Variants in COG5 observed in about 807,000 individuals in gnomAD.
COG5 encodes the protein component of oligomeric golgi complex 5.
In COG5, 86 loss-of-function variants were observed where a neutral mutation model predicts 110.4. The observed-to-expected ratio is 0.78, with a 90% CI of 0.65 to 0.93. COG5 has a LOEUF of 0.93. COG5 is among the 40% of genes least tolerant of loss of function. COG5 has a pLI of 0.00. For missense variants in COG5, 1,077 were observed against 987.0 expected (o/e 1.09, Z -1.22); for synonymous variants, 360 against 334.6 (o/e 1.08, Z -0.83).
At chr7:107,289,425 C>T (rs1805972444) in intron 12 of COG5, among the ~76,000 whole-genome samples, 1 of 151,656 alleles carries the variant, frequency 6.6e-6, no homozygotes. Context: ...ACTTGTGAGC[C>T]CTCCTACACT....
rs578254241 is a variant in COG5 at position 107,274,934 on chromosome 7, G to A, written c.1575+6366C>T. Among the ~76,000 whole-genome samples the A allele has an allele frequency of 1.2e-3, 179 of 151,750 alleles. 2 individuals are homozygous for A. The highest frequency in any genetic ancestry group is 4.2e-3 in the African/African-American group (176 of 41,488). ...GAAAATCAAGCTCTTACAAGTCTGAGAAGCAAGTCAGAAAGCTATCTTTTT... is the reference window on the plus strand; with the variant it reads ...GAAAATCAAGCTCTTACAAGTCTGAAAAGCAAGTCAGAAAGCTATCTTTTT... On this transcript the variant is annotated intron_variant, in intron 14 of 21. Coordinates refer to ENST00000297135, the MANE Select transcript of COG5 (RefSeq NM_006348.5).
chr7:107,256,530 T>C lies in COG5; in HGVS notation c.1749+202A>G, dbSNP rs149730993. Among the ~76,000 whole-genome samples the C allele has an allele frequency of 9.3e-3, 1,421 of 152,286 alleles. 24 individuals are homozygous for C. The highest frequency in any genetic ancestry group is 0.032 in the African/African-American group (1,321 of 41,568). On this transcript the variant is annotated intron_variant, in intron 16 of 21. Coordinates refer to ENST00000297135, the MANE Select transcript of COG5 (RefSeq NM_006348.5). ...ACTGTCATAAGTAGAACACAATCTG[T>C]AGACACCAAAAGGGTCTATTTTTAA...
chr7:107,429,559 C>A (rs544353420), intron 6 of COG5, among the ~76,000 whole-genome samples: 14 of 152,018 alleles, frequency 9.2e-5, no homozygotes, highest in East Asian at 1.9e-4. Context: ...TCCAGAGTAG[C>A]AGGGACTACA....
chr7:107,255,112 C>CA (rs570523349), intron 16 of COG5, among the ~76,000 whole-genome samples: 2 of 151,722 alleles, frequency 1.3e-5, no homozygotes, highest in Admixed American at 6.6e-5. Context: ...GGGTAGTTAT[C>CA]AAAAAAATGT....
intron 6 of COG5, among the ~76,000 whole-genome samples, chr7:107,515,349 T>A (rs180957350): frequency 6.6e-6 from 1 of 152,104 alleles, no homozygotes; most frequent in African/African-American, 2.4e-5. Context: ...AACGAAGAGA[T>A]TGATTCAGCC....
intron 1 of COG5, among the ~76,000 whole-genome samples, chr7:107,559,929 C>T (rs1052203697): frequency 2.0e-5 from 3 of 152,136 alleles, no homozygotes; most frequent in Admixed American, 6.5e-5. Context: ...AAGGTTGGAG[C>T]GCAGTTTGAA....
At chr7:107,429,953 G>C (rs1225110644) in intron 6 of COG5, among the ~76,000 whole-genome samples, 1 of 152,126 alleles carries the variant, frequency 6.6e-6, no homozygotes, top group African/African-American at 2.4e-5. Flanking sequence ...GACTAATACA[G>C]TTGGGTTGTC....
intron 16 of COG5, among the ~76,000 whole-genome samples, chr7:107,249,681 C>A (rs554641636): frequency 7.1e-6 from 1 of 140,594 alleles, no homozygotes; most frequent in Non-Finnish European, 1.5e-5. Flanking sequence ...AAATATACAA[C>A]GTACAGGATT....
intron 16 of COG5, among the ~76,000 whole-genome samples, chr7:107,250,220 G>C (rs988957844): frequency 1.1e-4 from 17 of 152,272 alleles, no homozygotes; most frequent in Admixed American, 5.9e-4. Flanking sequence ...TTGAAAAGGA[G>C]AGAGCCAGAG....
intron 11 of COG5, among the ~76,000 whole-genome samples, chr7:107,312,213 C>T (rs1318362055): frequency 6.6e-6 from 1 of 152,112 alleles, no homozygotes; most frequent in East Asian, 1.9e-4. Context: ...TTGATTTTTA[C>T]AGTTCGTTTT....
intron 9 of COG5, 27 bp downstream of exon 9, chr7:107,362,281 G>T: frequency 6.4e-7 from 1 of 1,556,442 alleles, no homozygotes; most frequent in Non-Finnish European, 8.9e-7. Flanking sequence ...CCATATTAAT[G>T]TTTTTTCCAC....
intron 6 of COG5, among the ~76,000 whole-genome samples, chr7:107,452,312 T>C (rs1467348756): frequency 2.0e-5 from 3 of 152,198 alleles, no homozygotes; most frequent in Non-Finnish European, 4.4e-5. Context: ...CCTGTAAAAG[T>C]TGAAATTCCC....
In COG5 at chr7:107,517,932, G is replaced by A. The variant is rs147610299; in HGVS notation, c.538+9305C>T. ...AGGCTGGTCTCGAACTCCTGACCTC[G>A]AGATCTGCCCGCCTCGGCGTCCCAA... On this transcript the variant is annotated intron_variant, in intron 6 of 21. Coordinates refer to ENST00000297135, the MANE Select transcript of COG5 (RefSeq NM_006348.5). Among the ~76,000 whole-genome samples, 518 of 152,148 alleles carry A rather than the reference G, an allele frequency of 3.4e-3. 7 individuals carry two copies. Among genetic ancestry groups the A allele is most frequent in the African/African-American group, 0.012 (485 of 41,506 alleles).
chr7:107,326,700 A>T (rs1487020913), intron 10 of COG5, among the ~76,000 whole-genome samples: 2 of 152,238 alleles, frequency 1.3e-5, no homozygotes, highest in African/African-American at 2.4e-5. Context: ...AGACCTAATA[A>T]TGTTAAAATG....
chr7:107,412,774 A>C (rs763232253), intron 6 of COG5, 142 bp from the exon 7 acceptor site: 3 of 610,748 alleles, frequency 4.9e-6, no homozygotes, highest in Non-Finnish European at 8.4e-6. Flanking sequence ...TATTTTAAAA[A>C]ATACAGTTTC....
chr7:107,248,761 C>G (rs887991105), intron 16 of COG5, among the ~76,000 whole-genome samples: 6 of 151,976 alleles, frequency 3.9e-5, no homozygotes, highest in Non-Finnish European at 7.4e-5. Context: ...TTAAATAAGC[C>G]CATGAAAAAG....
chr7:107,210,512 G>A lies in COG5; in HGVS notation c.2375+14C>T. 5 of 1,587,588 alleles carry A rather than the reference G, an allele frequency of 3.1e-6. No homozygotes were observed. The highest frequency in any genetic ancestry group is 1.2e-5 in the South Asian group (1 of 86,842). On this transcript the variant is annotated intron_variant, in intron 21 of 21. Transcript: ENST00000297135. ...TCCAGACCAGATGGGTGCCCCCAGA[G>A]CACCTGGCTTTACCTGATGAGGAGG...
intron 6 of COG5, among the ~76,000 whole-genome samples, chr7:107,457,924 C>CA (rs1201090566): frequency 1.3e-5 from 2 of 151,896 alleles, no homozygotes; most frequent in African/African-American, 2.4e-5. Context: ...AGAGTACACA[C>CA]AAAAAATTAC....
Position 107,390,244 on chromosome 7 carries a change from C to T in COG5, c.670-17484G>A, listed in dbSNP as rs377176457. On this transcript the variant is annotated intron_variant, in intron 7 of 21. Coordinates refer to ENST00000297135, the MANE Select transcript of COG5 (RefSeq NM_006348.5). Reference sequence around the variant, plus strand: ...TTTATAGTCTCAGCCATAATCATCCCGGCAACTGCTTGCCTTGCTGTGGCA... The same window carrying T: ...TTTATAGTCTCAGCCATAATCATCCTGGCAACTGCTTGCCTTGCTGTGGCA... 1.3e-4 allele frequency among the ~76,000 whole-genome samples: 20 copies of T among 152,198 alleles called. No individual in the cohort carries two copies. In the East Asian group the frequency reaches 2.7e-3, roughly 21 times the overall value.
Sources: gnomAD v4.1 joint callset for allele counts (sites outside exome capture counted in the v4.1 genomes callset) on GRCh38, gnomAD v4.1.1 for gene constraint, MANE v1.5 for transcripts, NCBI Gene and HGNC (gene_info 2026-07-23, HGNC 2026-07-21) for gene names.